ADAMTSL1: variants seen among roughly 807,000 people sequenced by gnomAD.
ADAMTSL1 encodes the protein ADAMTS like 1.
Under a neutral mutation model 201.8 loss-of-function variants are expected in ADAMTSL1, and 126 were observed. The observed-to-expected ratio is 0.62, with a 90% CI of 0.54 to 0.72. The LOEUF (loss-of-function observed/expected upper bound fraction) is 0.72. Ranked by LOEUF, ADAMTSL1 falls within the 30% of genes least tolerant of loss-of-function variation. The pLI, the probability that ADAMTSL1 is intolerant of heterozygous loss-of-function variation, is 0.00. For missense variants in ADAMTSL1, 2,679 were observed against 2,277.8 expected, an observed-to-expected ratio of 1.18 and a Z score of -3.59; for synonymous variants, 1,121 against 903.4, an observed-to-expected ratio of 1.24 and a Z score of -4.32.
intron 21 of ADAMTSL1, among the ~76,000 whole-genome samples, chr9:18,823,853 G>T (rs1043744804): frequency 4.6e-5 from 7 of 152,190 alleles, no homozygotes; most frequent in African/African-American, 1.7e-4. Context: ...GCTGGGCGTG[G>T]TGGTGCACGC....
At chr9:18,356,604 A>AACACACACACACACAC (rs67090987) in intron 2 of ADAMTSL1, among the ~76,000 whole-genome samples, 18 of 143,554 alleles carry the variant, frequency 1.3e-4, no homozygotes, top group East Asian at 1.0e-3. Flanking sequence ...TACACAATAA[A>AACACACACACACACAC]ACACACACAC....
At chr9:17,932,666 T>C (rs191873435) in intron 1 of ADAMTSL1, among the ~76,000 whole-genome samples, 3 of 152,288 alleles carry the variant, frequency 2.0e-5, no homozygotes, top group Admixed American at 2.0e-4. Flanking sequence ...CTAAATCTTT[T>C]CTGTGTGTTG....
intron 4 of ADAMTSL1, among the ~76,000 whole-genome samples, chr9:18,590,743 T>A (rs977108092): frequency 2.0e-5 from 3 of 152,112 alleles, no homozygotes; most frequent in Admixed American, 6.6e-5. Flanking sequence ...CAAGAATTTT[T>A]AAAAATTCCT....
chr9:18,099,349 A>T (rs1247061555), intron 1 of ADAMTSL1, among the ~76,000 whole-genome samples: 1 of 49,296 alleles, frequency 2.0e-5, no homozygotes, highest in African/African-American at 6.7e-5. Context: ...ATATATATAT[A>T]TATATATTTT....
At chr9:18,432,054 C>G (rs1819516607) in intron 2 of ADAMTSL1, among the ~76,000 whole-genome samples, 1 of 152,158 alleles carries the variant, frequency 6.6e-6, no homozygotes, top group Admixed American at 6.6e-5. Flanking sequence ...TCCTTTTAAA[C>G]CTAAATTCAG....
At position 18,795,405 on chromosome 9, in the gene ADAMTSL1, T is replaced by C. The variant is rs1822355069; in HGVS notation, c.3686T>C (p.Leu1229Pro). The change falls in exon 20 of 29, where the codon CTA (leucine) becomes CCA (proline). Residue 1229 changes from leucine (L) to proline (P), a missense_variant. Transcript: ENST00000380548. The stretch of plus-strand genomic sequence containing the variant: ...CTTTTCTGTCGCTCCAGGATTCTTC[T>C]ACAGCCAGATGATTCCTTACAGATC... ...EEVQFSDRIL[L>P]QPDDSLQILA... 1 of 1,613,916 alleles carries C rather than the reference T, an allele frequency of 6.2e-7. No individual in the cohort carries two copies. The highest frequency in any genetic ancestry group is 1.3e-5 in the African/African-American group (1 of 75,042).
chr9:18,837,033 A>G (rs913179135), intron 23 of ADAMTSL1, among the ~76,000 whole-genome samples: 11 of 152,178 alleles, frequency 7.2e-5, no homozygotes, highest in African/African-American at 2.7e-4. Flanking sequence ...TTCTAGATGT[A>G]TAATCATATA....
chr9:18,717,884 G>T lies in ADAMTSL1; in HGVS notation c.1877-3652G>T, dbSNP rs560172423. ...CACAGGAAAGTCCATTTAAGATGCT[G>T]GTAGGTTTAACAAAGTTGGAGTGTT... On this transcript the variant is annotated intron_variant, in intron 14 of 28. Coordinates refer to ENST00000380548, the MANE Select transcript of ADAMTSL1 (RefSeq NM_001040272.6). The T allele has an allele frequency of 1.1e-4, 100 of 877,394 alleles. 1 individual carries two copies. The African/African-American group carries it at 1.3e-3, about 11-fold the overall frequency. The allele number at this position is 877,394 out of a possible 1,614,324, so 54.4% of individuals were successfully genotyped here. A position where few individuals can be genotyped will look rare whatever the true frequency, so the allele number is the denominator to read the frequency against.
chr9:17,916,667 A>G (rs1007219780), intron 1 of ADAMTSL1, among the ~76,000 whole-genome samples: 1 of 152,154 alleles, frequency 6.6e-6, no homozygotes, highest in African/African-American at 2.4e-5. Flanking sequence ...CCACTGAAGT[A>G]CATGTTTATT....
At chr9:18,080,343 G>C (rs573002560) in intron 1 of ADAMTSL1, among the ~76,000 whole-genome samples, 1 of 152,284 alleles carries the variant, frequency 6.6e-6, no homozygotes, top group Non-Finnish European at 1.5e-5. Context: ...CAGAAGGATG[G>C]TACAGAAGTG....
chr9:18,022,854 C>T (rs189202864), intron 1 of ADAMTSL1, among the ~76,000 whole-genome samples: 90 of 152,082 alleles, frequency 5.9e-4, no homozygotes, highest in East Asian at 1.2e-3. Flanking sequence ...ATTTTGGTTC[C>T]GGAATAACCA....
At chr9:18,475,876 A>T (rs1367369480) in intron 1 of ADAMTSL1, among the ~76,000 whole-genome samples, 1 of 152,138 alleles carries the variant, frequency 6.6e-6, no homozygotes, top group Non-Finnish European at 1.5e-5. Flanking sequence ...AAACTTTCCC[A>T]TTCAGGAATA....
chr9:18,100,073 A>G (rs1824450704), intron 1 of ADAMTSL1, among the ~76,000 whole-genome samples: 1 of 151,834 alleles, frequency 6.6e-6, no homozygotes, highest in Non-Finnish European at 1.5e-5. Flanking sequence ...GAATTAATAT[A>G]ATTTATGTAT....
In ADAMTSL1 at chr9:18,035,966, A is replaced by G. The variant is rs1346491652; in HGVS notation, c.88-127896A>G. On this transcript the variant is annotated intron_variant, in intron 1 of 29. Coordinates refer to the ADAMTSL1 transcript ENST00000680146. ...CAAATAGATTTGGTCCTTACCCCCT[A>G]TCTTGCTATCTAGCCAAGAAAGCCT... Among the ~76,000 whole-genome samples, 3 of 152,278 alleles carry G rather than the reference A, an allele frequency of 2.0e-5. No homozygotes were observed. In the Middle Eastern group the frequency reaches 0.01, roughly 518 times the overall value.
intron 13 of ADAMTSL1, among the ~76,000 whole-genome samples, chr9:18,694,825 C>T (rs1342447646): frequency 2.6e-5 from 4 of 152,204 alleles, no homozygotes; most frequent in African/African-American, 9.7e-5. Flanking sequence ...TCCCACATTT[C>T]CCATCCATAC....
At chr9:18,560,633 C>T (rs1441745947) in intron 3 of ADAMTSL1, among the ~76,000 whole-genome samples, 4 of 150,914 alleles carry the variant, frequency 2.7e-5, no homozygotes, top group African/African-American at 9.8e-5. Flanking sequence ...GTGGTCTGGT[C>T]CTGGGTTTTT....
At position 18,075,354 on chromosome 9, in the gene ADAMTSL1, C is replaced by A. The variant is rs181302682; in HGVS notation, c.88-88508C>A. On this transcript the variant is annotated intron_variant, in intron 1 of 29. Transcript: ENST00000680146. Reference sequence around the variant, plus strand: ...TAGAAGTGAGGTCACAGTCAATGTGCAAAAGAGTTTTATCTGAGCAGAAAA... The same window carrying A: ...TAGAAGTGAGGTCACAGTCAATGTGAAAAAGAGTTTTATCTGAGCAGAAAA... Among the ~76,000 whole-genome samples, 25 of 152,276 alleles carry A rather than the reference C, an allele frequency of 1.6e-4. No homozygotes were observed. The East Asian group carries it at 4.3e-3, about 26-fold the overall frequency.
chr9:17,980,321 C>A (rs769954375), intron 1 of ADAMTSL1, among the ~76,000 whole-genome samples: 1 of 152,084 alleles, frequency 6.6e-6, no homozygotes, highest in African/African-American at 2.4e-5. Context: ...ACATTACCCC[C>A]CACCACATCT....
chr9:18,874,309 C>G (rs1018263847), intron 23 of ADAMTSL1, among the ~76,000 whole-genome samples: 1 of 152,050 alleles, frequency 6.6e-6, no homozygotes, highest in Non-Finnish European at 1.5e-5. Flanking sequence ...TGTCTGATTG[C>G]TCCGGCTAGG....
Sources: allele counts gnomAD v4.1 joint callset (sites outside exome capture counted in the v4.1 genomes callset), GRCh38; gene constraint gnomAD v4.1.1; transcripts MANE v1.5; gene names NCBI Gene and HGNC (gene_info 2026-07-23, HGNC 2026-07-21).